Variants in EYS observed in about 807,000 individuals in gnomAD.
The protein encoded by EYS is EGF-like photoreceptor maintenance factor.
A neutral mutation model predicts 282.1 loss-of-function variants in EYS; 250 were observed. The ratio of observed to expected loss-of-function variants is 0.89; its 90% confidence interval spans 0.80 to 0.98. The LOEUF (loss-of-function observed/expected upper bound fraction) is 0.98. EYS is among the 50% of genes least tolerant of loss of function. The pLI, the probability that EYS is intolerant of heterozygous loss-of-function variation, is 0.00. For missense variants in EYS, 4,016 were observed against 3,709.0 expected, an observed-to-expected ratio of 1.08 and a Z score of -2.15; for synonymous variants, 1,355 against 1,282.9, an observed-to-expected ratio of 1.06 and a Z score of -1.20.
At chr6:65,459,028 A>G (rs1400724029) in intron 5 of EYS, among the ~76,000 whole-genome samples, 1 of 152,168 alleles carries the variant, frequency 6.6e-6, no homozygotes, top group Non-Finnish European at 1.5e-5. Context: ...GTTGATATTT[A>G]ATAGGATTTG....
intron 41 of EYS, among the ~76,000 whole-genome samples, chr6:63,736,002 A>G (rs1403675010): frequency 6.6e-6 from 1 of 152,164 alleles, no homozygotes. Context: ...CACTACAGTT[A>G]ATACTAAACT....
intron 29 of EYS, among the ~76,000 whole-genome samples, chr6:64,313,152 T>G (rs1467155286): frequency 6.6e-6 from 1 of 152,158 alleles, no homozygotes; most frequent in Admixed American, 6.5e-5. Flanking sequence ...TTAAACGAAT[T>G]GCTAACTAGA....
intron 33 of EYS, among the ~76,000 whole-genome samples, chr6:64,044,096 G>T (rs1356335616): frequency 6.6e-6 from 1 of 152,128 alleles, no homozygotes; most frequent in Non-Finnish European, 1.5e-5. Flanking sequence ...ATGTTAATAT[G>T]TCATATTTCT....
intron 26 of EYS, among the ~76,000 whole-genome samples, chr6:64,514,731 C>T (rs1777509024): frequency 6.6e-6 from 1 of 151,714 alleles, no homozygotes; most frequent in African/African-American, 2.4e-5. Context: ...CAGGTTCAAC[C>T]TAACCCTGTC....
intron 9 of EYS, among the ~76,000 whole-genome samples, chr6:65,346,114 A>G (rs1369741575): frequency 6.6e-6 from 1 of 151,736 alleles, no homozygotes; most frequent in African/African-American, 2.4e-5. Context: ...TAAGGATACC[A>G]AGCTCCTTGA....
Position 65,457,334 on chromosome 6 carries a change from CT to C in EYS, c.862+33259del, listed in dbSNP as rs1051593228. 2.0e-5 allele frequency among the ~76,000 whole-genome samples: 3 copies of C among 151,148 alleles called. No individual in the cohort carries two copies. In the East Asian group the frequency reaches 5.9e-4, roughly 30 times the overall value. ...CATGTGCCACCATGCTCAGCTAATT[CT>C]TTTTTTTTCCGTAGAGATGGGGTCT... is the stretch of plus-strand genomic sequence containing the variant. On this transcript the variant is annotated intron_variant, in intron 5 of 42. Transcript: ENST00000503581.
At chr6:64,435,045 A>AG (rs1010836171) in intron 28 of EYS, among the ~76,000 whole-genome samples, 6 of 152,172 alleles carry the variant, frequency 3.9e-5, no homozygotes, top group African/African-American at 1.4e-4. Flanking sequence ...ACCTCGACTG[A>AG]GATGGCATTT....
chr6:65,006,447 C>A (rs1299167801), intron 13 of EYS, among the ~76,000 whole-genome samples: 1 of 120,206 alleles, frequency 8.3e-6, no homozygotes, highest in African/African-American at 3.1e-5. Flanking sequence ...AGAAAAGTAA[C>A]TTTTAGAGGA....
At chr6:64,911,265 C>T (rs1767982998) in intron 16 of EYS, among the ~76,000 whole-genome samples, 1 of 151,850 alleles carries the variant, frequency 6.6e-6, no homozygotes, top group Admixed American at 6.6e-5. Context: ...TTTTTTTCTT[C>T]TCTATCTTGT....
chr6:64,696,539 A>G (rs1370191740), intron 22 of EYS, among the ~76,000 whole-genome samples: 1 of 152,172 alleles, frequency 6.6e-6, no homozygotes, highest in Non-Finnish European at 1.5e-5. Context: ...GGACCTCACC[A>G]TGACATGTAG....
chr6:64,536,716 A>G (rs556923143), intron 26 of EYS, among the ~76,000 whole-genome samples: 1 of 152,104 alleles, frequency 6.6e-6, no homozygotes, highest in East Asian at 1.9e-4. Flanking sequence ...AATTTAGTAA[A>G]AGAGAGATAA....
intron 1 of EYS, among the ~76,000 whole-genome samples, chr6:65,697,692 C>A (rs1375385726): frequency 2.0e-5 from 1 of 49,428 alleles, no homozygotes; most frequent in African/African-American, 6.4e-5. Context: ...AACAACTAAT[C>A]TAAATAGAAA....
chr6:65,466,996 A>G (rs995866340), intron 5 of EYS, among the ~76,000 whole-genome samples: 3 of 152,186 alleles, frequency 2.0e-5, no homozygotes, highest in Non-Finnish European at 4.4e-5. Flanking sequence ...CAAAGTAGGC[A>G]GGCTCTAAAT....
chr6:64,866,314 T>C (rs1211889952), intron 19 of EYS, among the ~76,000 whole-genome samples: 2 of 152,070 alleles, frequency 1.3e-5, no homozygotes, highest in East Asian at 3.9e-4. Context: ...AGTTGATTAA[T>C]TGCATCCTAT....
chr6:65,232,436 A>G (rs1582045411), intron 12 of EYS, among the ~76,000 whole-genome samples: 1 of 152,070 alleles, frequency 6.6e-6, no homozygotes, highest in Non-Finnish European at 1.5e-5. Flanking sequence ...ATTATTTTCC[A>G]AAATTCTTAA....
At chr6:64,850,249 A>C (rs960689582) in intron 19 of EYS, among the ~76,000 whole-genome samples, 1 of 152,102 alleles carries the variant, frequency 6.6e-6, no homozygotes, top group Non-Finnish European at 1.5e-5. Context: ...TTCTTTCTAT[A>C]TTAACTATAA....
intron 18 of EYS, among the ~76,000 whole-genome samples, chr6:64,901,885 T>C (rs1013142379): frequency 6.6e-6 from 1 of 152,154 alleles, no homozygotes; most frequent in African/African-American, 2.4e-5. Flanking sequence ...AGCATTTTGC[T>C]CAGGCACACA....
intron 24 of EYS, among the ~76,000 whole-genome samples, chr6:64,605,679 G>A (rs1245016124): frequency 6.6e-6 from 1 of 151,580 alleles, no homozygotes; most frequent in Non-Finnish European, 1.5e-5. Context: ...ATCTGATACA[G>A]AACCCTGAGT....
intron 29 of EYS, among the ~76,000 whole-genome samples, chr6:64,316,903 ACC>A (rs1769990625): frequency 1.3e-5 from 2 of 152,088 alleles, no homozygotes; most frequent in African/African-American, 4.8e-5. Flanking sequence ...CCTCAGAAAT[ACC>A]ACCACACATC....
Sources: allele counts gnomAD v4.1 joint callset (sites outside exome capture counted in the v4.1 genomes callset), GRCh38; gene constraint gnomAD v4.1.1; transcripts MANE v1.5; gene names NCBI Gene and HGNC (gene_info 2026-07-23, HGNC 2026-07-21).